Variants in SOS2 observed in about 807,000 individuals in gnomAD.
SOS2 encodes the protein son of sevenless homolog 2.
A neutral mutation model predicts 148.2 loss-of-function variants in SOS2; 65 were observed. The ratio of observed to expected loss-of-function variants is 0.44; its 90% CI spans 0.36 to 0.54. SOS2 has a LOEUF of 0.54. SOS2 is among the 20% of genes least tolerant of loss of function. The probability of loss-of-function intolerance (pLI) is 0.00; values close to 1 mark genes in which losing one functional copy is unlikely to be tolerated. For missense variants in SOS2, 1,341 were observed against 1,590.2 expected (o/e 0.84, Z 2.67); for synonymous variants, 539 against 537.1 (o/e 1.00, Z -0.05).
Position 50,130,782 on chromosome 14 carries a change from TTAA to T in SOS2, c.3076-23_3076-21del. The T allele has an allele frequency of 1.3e-6, 2 of 1,580,398 alleles. No individual in the cohort carries two copies. The highest frequency in any genetic ancestry group is 1.7e-6 in the Non-Finnish European group (2 of 1,165,330). ...CCTAGGCTGAGAAAAGCAAACATAA[TTAA>T]TGTCACAAATTTGCATAGACAACAA... On this transcript the variant is annotated intron_variant, in intron 19 of 22. Transcript: ENST00000216373.
At chr14:50,165,201 C>T (rs895375453) in intron 8 of SOS2, among the ~76,000 whole-genome samples, 1 of 152,154 alleles carries the variant, frequency 6.6e-6, no homozygotes, top group Admixed American at 6.5e-5. Context: ...AAATTTAACA[C>T]CGAGTAATCT....
Position 50,231,348 on chromosome 14 carries a change from AG to A in SOS2, c.-66del, listed in dbSNP as rs913873632. 6.9e-5 allele frequency: 53 copies of A among 766,576 alleles called. No individual in the cohort carries two copies. The highest frequency in any genetic ancestry group is 4.1e-4 in the Admixed American group (8 of 19,334). The allele number at this position is 766,576 out of a possible 1,614,324, so 47.5% of individuals were successfully genotyped here. A position where few individuals can be genotyped will look rare whatever the true frequency, so the allele number is the denominator to read the frequency against. ...GGGCCGGGCCGGTGGCCTGACAGGC[AG>A]GGCGCGGGCCGCCTCGCCTCGCCGG... On this transcript the variant is annotated 5_prime_UTR_variant, in exon 1 of 23. Transcript: ENST00000216373.
At chr14:50,202,512 T>A (rs935209117) in intron 2 of SOS2, among the ~76,000 whole-genome samples, 1 of 151,646 alleles carries the variant, frequency 6.6e-6, no homozygotes, top group Non-Finnish European at 1.5e-5. Context: ...GGTGGGAGGA[T>A]CCCTTGAGGC....
At chr14:50,215,462 C>A (rs765210989) in intron 1 of SOS2, 1 of 1,248,742 alleles carries the variant, frequency 8.0e-7, no homozygotes, top group African/African-American at 1.6e-5. Flanking sequence ...AAAATTACCA[C>A]GACAGAACCA....
rs1347298671 is a variant in SOS2 at position 50,139,942 on chromosome 14, CA to C, written c.2784del (p.Phe928LeufsTer5). The C allele has an allele frequency of 2.3e-5, 34 of 1,480,926 alleles. No individual in the cohort carries two copies. The highest frequency in any genetic ancestry group is 4.6e-5 in the South Asian group (4 of 87,316). The allele number at this position is 1,480,926 out of a possible 1,614,324, so 91.7% of individuals were successfully genotyped here. On this transcript the variant is annotated frameshift_variant and splice_region_variant, in exon 17 of 23. Coordinates refer to ENST00000216373, the MANE Select transcript of SOS2 (RefSeq NM_006939.4). LOFTEE classifies it high-confidence loss of function. ...AATATATCCATATTTAGTAACTTACCAAAAAAAGGCACACAAGGTGGATTGA... is the reference window on the plus strand; with the variant it reads ...AATATATCCATATTTAGTAACTTACCAAAAAAGGCACACAAGGTGGATTGA... ...KSINPPCVPF[F>X]GIYLTNILKT...
At chr14:50,208,466 C>T (rs1288494536) in intron 1 of SOS2, among the ~76,000 whole-genome samples, 1 of 151,624 alleles carries the variant, frequency 6.6e-6, no homozygotes, top group African/African-American at 2.4e-5. Context: ...CTGGCCAATA[C>T]GGTGAAACCC....
At chr14:50,198,290 T>C (rs1886376843) in intron 4 of SOS2, among the ~76,000 whole-genome samples, 1 of 151,724 alleles carries the variant, frequency 6.6e-6, no homozygotes, top group South Asian at 2.1e-4. Flanking sequence ...ATGGTTCAAG[T>C]GGCAAGGGCT....
intron 12 of SOS2, 101 bp from the exon 13 acceptor site, chr14:50,153,274 A>G: frequency 3.1e-6 from 2 of 654,672 alleles, no homozygotes; most frequent in Non-Finnish European, 5.5e-6. Context: ...ACAAGGGTCA[A>G]CATAATACTC....
chr14:50,191,757 G>T, intron 4 of SOS2, among the ~76,000 whole-genome samples: 1 of 152,228 alleles, frequency 6.6e-6, no homozygotes, highest in Middle Eastern at 3.4e-3. Flanking sequence ...AGTGCCAGCT[G>T]TTTTCTGTTA....
intron 1 of SOS2, among the ~76,000 whole-genome samples, chr14:50,226,200 T>C (rs1034108226): frequency 4.6e-5 from 7 of 152,166 alleles, no homozygotes; most frequent in African/African-American, 1.4e-4. Context: ...CCCAGCATTT[T>C]TGGAGGCCAA....
At chr14:50,141,814 G>C (rs977799137) in intron 16 of SOS2, among the ~76,000 whole-genome samples, 2 of 152,036 alleles carry the variant, frequency 1.3e-5, no homozygotes, top group African/African-American at 4.8e-5. Context: ...CGTTCCTCCT[G>C]AAAAAGAGTA....
chr14:50,152,919 G>A, intron 13 of SOS2, 151 bp downstream of exon 13: 1 of 432,600 alleles, frequency 2.3e-6, no homozygotes, highest in Non-Finnish European at 4.3e-6. Context: ...GAGCTGAGAT[G>A]GCACCACTGC....
rs1384200687 is a variant in SOS2 at position 50,117,445 on chromosome 14, C to T, written c.*899G>A. ...AGATTTATAGAGAAAGTTACTAGGT[C>T]TTGAAGGCAAGGCAGTTGGTTCCTA... On this transcript the variant is annotated 3_prime_UTR_variant, in exon 23 of 23. Coordinates refer to ENST00000216373, the MANE Select transcript of SOS2 (RefSeq NM_006939.4). 6.6e-6 allele frequency: 1 copy of T among 152,154 alleles called. No individual in the cohort carries two copies. Among genetic ancestry groups the T allele is most frequent in the Non-Finnish European group, 1.5e-5 (1 of 68,030 alleles). The allele number at this position is 152,154 out of a possible 1,614,324, so 9.4% of individuals were successfully genotyped here. A position where few individuals can be genotyped will look rare whatever the true frequency, so the allele number is the denominator to read the frequency against.
chr14:50,178,676 A>G (rs1249245446), intron 7 of SOS2, among the ~76,000 whole-genome samples: 1,086 of 4,842 alleles, frequency 0.22, 33 homozygotes, highest in East Asian at 0.38. Context: ...GTGTGCATAT[A>G]TATATATATA....
chr14:50,199,461 TG>T (rs1886414106), intron 4 of SOS2, among the ~76,000 whole-genome samples: 1 of 152,150 alleles, frequency 6.6e-6, no homozygotes, highest in East Asian at 1.9e-4. Context: ...AGGCCTTGGA[TG>T]TTTTTTTTCT....
chr14:50,208,868 C>T (rs113639251), intron 1 of SOS2, among the ~76,000 whole-genome samples: 2 of 152,006 alleles, frequency 1.3e-5, no homozygotes, highest in African/African-American at 4.8e-5. Flanking sequence ...ATCTGACTGC[C>T]CATTGTGATG....
At position 50,150,115 on chromosome 14, in the gene SOS2, A is replaced by C. The variant is rs771910628; in HGVS notation, c.2277T>G (p.Ile759Met). The C allele has an allele frequency of 2.2e-5, 35 of 1,613,596 alleles. No individual in the cohort carries two copies. Among genetic ancestry groups the C allele is most frequent in the Non-Finnish European group, 3.0e-5 (35 of 1,179,532 alleles). ...NITFESPPPPIEWHISKPGQF... is the reference protein window; with the variant it reads ...NITFESPPPPMEWHISKPGQF... ...GTCCTGGTTTGCTGATATGCCATTCAATTGGTGGAGGTGGACTTTCAAAGG... is the reference window on the plus strand; with the variant it reads ...GTCCTGGTTTGCTGATATGCCATTCCATTGGTGGAGGTGGACTTTCAAAGG... The change falls in exon 14 of 23, where the codon ATT becomes ATG. Residue 759 changes from isoleucine (I) to methionine (M), a missense_variant. By Grantham distance (10) the Ile-to-Met change is conservative. Transcript: ENST00000216373.
intron 16 of SOS2, among the ~76,000 whole-genome samples, chr14:50,143,404 C>G (rs1056713326): frequency 3.3e-5 from 5 of 150,946 alleles, no homozygotes; most frequent in African/African-American, 9.7e-5. Context: ...ATACATAAAT[C>G]ATAAAGTACC....
At chr14:50,131,096 A>G (rs575340095) in intron 19 of SOS2, among the ~76,000 whole-genome samples, 29 of 152,308 alleles carry the variant, frequency 1.9e-4, no homozygotes, top group African/African-American at 6.7e-4. Flanking sequence ...ACAAACATTT[A>G]CTGGGAACAT....
Sources: allele counts gnomAD v4.1 joint callset (sites outside exome capture counted in the v4.1 genomes callset), GRCh38; gene constraint gnomAD v4.1.1; transcripts MANE v1.5; gene names NCBI Gene and HGNC (gene_info 2026-07-23, HGNC 2026-07-21).